The following VPS13B variants were observed in gnomAD, a reference collection of about 807,000 sequenced individuals.
VPS13B encodes the protein vacuolar protein sorting 13 homolog B, also known as intermembrane lipid transfer protein VPS13B.
A neutral mutation model predicts 426.4 loss-of-function variants in VPS13B; 285 were observed. The observed-to-expected ratio is 0.67, with a 90% confidence interval of 0.61 to 0.74. The LOEUF (loss-of-function observed/expected upper bound fraction) is 0.74. Ranked by LOEUF, VPS13B falls within the 30% of genes least tolerant of loss-of-function variation. The pLI is 0.00. For synonymous variants in VPS13B, 1,676 were observed against 1,676.4 expected, an observed-to-expected ratio of 1.00 and a Z score of 0.01; for missense variants, 4,537 against 4,782.6, an observed-to-expected ratio of 0.95 and a Z score of 1.51.
intron 36 of VPS13B, among the ~76,000 whole-genome samples, chr8:99,710,058 G>A (rs559608499): frequency 2.2e-4 from 34 of 152,110 alleles, no homozygotes; most frequent in African/African-American, 7.2e-4. Flanking sequence ...ATTTTATATC[G>A]TAAACTTTTG....
At chr8:99,475,070 C>G (rs750550179) in intron 24 of VPS13B, among the ~76,000 whole-genome samples, 8 of 152,188 alleles carry the variant, frequency 5.3e-5, no homozygotes, top group Middle Eastern at 3.4e-3. Context: ...AATCATTATG[C>G]TGACTGAAAG....
At chr8:99,295,618 A>T (rs1355872103) in intron 19 of VPS13B, among the ~76,000 whole-genome samples, 2 of 152,202 alleles carry the variant, frequency 1.3e-5, no homozygotes, top group African/African-American at 4.8e-5. Flanking sequence ...ATCTAGCAAC[A>T]CAGTGCACTG....
chr8:99,803,245 A>G (rs1813220910), intron 43 of VPS13B, among the ~76,000 whole-genome samples: 1 of 152,178 alleles, frequency 6.6e-6, no homozygotes, highest in Non-Finnish European at 1.5e-5. Context: ...CTTTTTATGA[A>G]TGTGTCAGGT....
intron 21 of VPS13B, among the ~76,000 whole-genome samples, chr8:99,396,117 G>C (rs1403695384): frequency 6.6e-6 from 1 of 152,086 alleles, no homozygotes; most frequent in African/African-American, 2.4e-5. Context: ...AATTAATTAT[G>C]GTTGTGAGGG....
rs773594659 is a variant in VPS13B, at chr8:99,776,897, C to G, written c.7370C>G (p.Ser2457Cys). The G allele has an allele frequency of 1.9e-6, 3 of 1,614,110 alleles. No homozygotes were observed. Among genetic ancestry groups the G allele is most frequent in the South Asian group, 1.1e-5 (1 of 91,082 alleles). ...TPWFVPSLCVSFQFAHLEFHL... is the reference protein window; with the variant it reads ...TPWFVPSLCVCFQFAHLEFHL... The stretch of plus-strand genomic sequence containing the variant: ...TGGTTTGTCCCATCCCTTTGCGTTT[C>G]TTTCCAGTTTGCTCACCTGGAATTC... Residue 2457 changes from serine to cysteine, a missense_variant, in exon 41 of 62, where the codon TCT becomes TGT. Physicochemically the swap from Ser to Cys is moderately radical, Grantham distance 112 (BLOSUM62 -1). Coordinates refer to ENST00000357162, the MANE Select transcript of VPS13B (RefSeq NM_152564.5).
intron 17 of VPS13B, among the ~76,000 whole-genome samples, chr8:99,247,269 A>T (rs1323117094): frequency 2.0e-5 from 3 of 151,932 alleles, no homozygotes; most frequent in Non-Finnish European, 4.4e-5. Flanking sequence ...AAATCCCTTA[A>T]TTTTTTCCAC....
At chr8:99,068,677 G>A (rs1381475017) in intron 3 of VPS13B, among the ~76,000 whole-genome samples, 1 of 152,184 alleles carries the variant, frequency 6.6e-6, no homozygotes. Flanking sequence ...GGCAGAAGGC[G>A]AAGGGAAAGC....
At chr8:99,476,056 G>A (rs964636145) in intron 24 of VPS13B, among the ~76,000 whole-genome samples, 5 of 152,186 alleles carry the variant, frequency 3.3e-5, no homozygotes, top group Admixed American at 6.5e-5. Flanking sequence ...AAATATTTAT[G>A]AAAATATTTT....
chr8:99,584,157 A>G (rs1459650250), intron 33 of VPS13B, among the ~76,000 whole-genome samples: 1 of 152,154 alleles, frequency 6.6e-6, no homozygotes, highest in Non-Finnish European at 1.5e-5. Flanking sequence ...GGCCTGGAAA[A>G]GATATTAAGT....
intron 17 of VPS13B, chr8:99,241,010 T>C (rs191388811): frequency 6.6e-5 from 10 of 152,370 alleles, no homozygotes; most frequent in African/African-American, 2.4e-4. Context: ...GGATACAAAA[T>C]TACCCTGGCA....
chr8:99,646,309 G>A (rs1167994512), intron 34 of VPS13B, among the ~76,000 whole-genome samples: 1 of 152,090 alleles, frequency 6.6e-6, no homozygotes, highest in Non-Finnish European at 1.5e-5. Flanking sequence ...GAGCTAAGGA[G>A]TCCAAGACTA....
intron 5 of VPS13B, among the ~76,000 whole-genome samples, chr8:99,108,891 A>G (rs1308307317): frequency 6.6e-6 from 1 of 152,062 alleles, no homozygotes; most frequent in Non-Finnish European, 1.5e-5. Flanking sequence ...ATTTTGGAAG[A>G]ATTCCCTCCA....
chr8:99,526,839 G>A (rs567793818), intron 30 of VPS13B, among the ~76,000 whole-genome samples: 75 of 152,190 alleles, frequency 4.9e-4, no homozygotes, highest in Non-Finnish European at 8.7e-4. Context: ...AATCACCCAA[G>A]GATCTTGATA....
At chr8:99,376,412 T>C (rs936885430) in intron 19 of VPS13B, among the ~76,000 whole-genome samples, 6 of 152,108 alleles carry the variant, frequency 3.9e-5, no homozygotes, top group African/African-American at 1.4e-4. Flanking sequence ...TACCCTCTTT[T>C]ATCATCTATA....
intron 35 of VPS13B, chr8:99,696,941 C>CT: frequency 2.9e-6 from 2 of 688,458 alleles, no homozygotes; most frequent in South Asian, 3.0e-5. Context: ...AAGCTGATTG[C>CT]TGAGGAGGGG....
At chr8:99,771,918 C>T (rs185382384) in intron 40 of VPS13B, among the ~76,000 whole-genome samples, 2 of 152,348 alleles carry the variant, frequency 1.3e-5, no homozygotes, top group East Asian at 3.9e-4. Flanking sequence ...CTTTACCCTT[C>T]CCTAAGGCTA....
intron 17 of VPS13B, among the ~76,000 whole-genome samples, chr8:99,194,961 T>C (rs1029684930): frequency 6.6e-6 from 1 of 152,170 alleles, no homozygotes; most frequent in African/African-American, 2.4e-5. Context: ...TTCTCCTGCC[T>C]CAGCCTCCCG....
At chr8:99,389,558 TAAAAG>T (rs1258011217) in intron 20 of VPS13B, 1 of 152,046 alleles carries the variant, frequency 6.6e-6, no homozygotes, top group Non-Finnish European at 1.5e-5. Context: ...TTAAAGTAGA[TAAAAG>T]AAAATGTTAT....
chr8:99,568,337 C>A (rs1825295719), intron 31 of VPS13B, among the ~76,000 whole-genome samples: 1 of 150,314 alleles, frequency 6.7e-6, no homozygotes, highest in African/African-American at 2.4e-5. Flanking sequence ...GTCACCCAGG[C>A]TGGAGTGCAG....
Sources: allele counts gnomAD v4.1 joint callset (sites outside exome capture counted in the v4.1 genomes callset), GRCh38; gene constraint gnomAD v4.1.1; transcripts MANE v1.5; gene names NCBI Gene and HGNC (gene_info 2026-07-23, HGNC 2026-07-21).